The following TRPV3 variants were observed in gnomAD, a reference collection of about 807,000 sequenced individuals.
The protein encoded by TRPV3 is transient receptor potential cation channel subfamily V member 3.
A neutral mutation model predicts 87.1 loss-of-function variants in TRPV3; 88 were observed. That is an observed-to-expected ratio of 1.01 (90% CI 0.85 to 1.21). The LOEUF is 1.21. Among genes scored for constraint, TRPV3 ranks in the 50% most tolerant of loss-of-function variants. The pLI, the probability that TRPV3 is intolerant of heterozygous loss-of-function variation, is 0.00. For missense variants in TRPV3, 1,054 were observed against 1,030.1 expected (o/e 1.02, Z -0.32); for synonymous variants, 438 against 423.3 (o/e 1.03, Z -0.43).
rs138550533 is a variant in TRPV3, at chr17:3,544,763, G to A, written c.225-98C>T. 1.7e-3 allele frequency: 1,338 copies of A among 808,380 alleles called. 8 individuals carry two copies. In the African/African-American group the frequency reaches 0.02, roughly 12 times the overall value. 50.1% of individuals were successfully genotyped at this position (808,380 alleles called of 1,614,324 possible). On this transcript the variant is annotated intron_variant, in intron 3 of 17. Transcript: ENST00000576742. ...TGTAATCCCAGCACTTTGGGAGGCCGAGGCAGGTGGATCACTTGAGGTCAG... is the reference window on the plus strand; with the variant it reads ...TGTAATCCCAGCACTTTGGGAGGCCAAGGCAGGTGGATCACTTGAGGTCAG...
At position 3,551,870 on chromosome 17, in the gene TRPV3, C is replaced by CTT. The variant is rs747932928; in HGVS notation, c.119+2860_119+2861dup. The stretch of plus-strand genomic sequence containing the variant: ...CCTCTTTCTTCACCTGTAATTTATT[C>CTT]TTTTTTTTTTTTTTTTTTTTTTTTT... On this transcript the variant is annotated intron_variant, in intron 2 of 17. Transcript: ENST00000576742. Among the ~76,000 whole-genome samples, 185 of 43,344 alleles carry CTT rather than the reference C, an allele frequency of 4.3e-3. 42 individuals carry two copies. Among genetic ancestry groups the CTT allele is most frequent in the African/African-American group, 0.013 (163 of 12,106 alleles). 28.4% of individuals were successfully genotyped at this position (43,344 alleles called of 152,430 possible). A position where few individuals can be genotyped will look rare whatever the true frequency, so the allele number is the denominator to read the frequency against.
At chr17:3,551,340 C>A (rs2074572044) in intron 2 of TRPV3, among the ~76,000 whole-genome samples, 1 of 152,240 alleles carries the variant, frequency 6.6e-6, no homozygotes, top group Non-Finnish European at 1.5e-5. Flanking sequence ...CTGGTCACTG[C>A]ACACACTACA....
At position 3,528,352 on chromosome 17, in the gene TRPV3, C is replaced by T. The variant is rs1212843047; in HGVS notation, c.1402-226G>A. On this transcript the variant is annotated intron_variant, in intron 10 of 17. Coordinates refer to ENST00000576742, the MANE Select transcript of TRPV3 (RefSeq NM_145068.4). The surrounding 1 kb of genome is among the most constrained non-coding windows in gnomAD (Gnocchi z 4.2). ...CTACAACGAAGAATATCATCCAATC[C>T]GTGCTAACAACCCTCACACTCCATT... 1.3e-5 allele frequency among the ~76,000 whole-genome samples: 2 copies of T among 152,176 alleles called. No homozygotes were observed. Among genetic ancestry groups the T allele is most frequent in the Admixed American group, 6.5e-5 (1 of 15,288 alleles).
intron 7 of TRPV3, 58 bp downstream of exon 7, chr17:3,535,515 T>G: frequency 1.7e-6 from 2 of 1,186,726 alleles, no homozygotes; most frequent in Admixed American, 6.1e-5. Flanking sequence ...CCTCCCTTCC[T>G]CTCCCGTCTC....
intron 2 of TRPV3, among the ~76,000 whole-genome samples, chr17:3,547,016 A>T (rs1173928035): frequency 6.7e-6 from 1 of 149,506 alleles, no homozygotes; most frequent in Non-Finnish European, 1.5e-5. Flanking sequence ...GAAATACTGG[A>T]TGGCTGAACC....
chr17:3,540,332 C>T (rs953519252), intron 6 of TRPV3, among the ~76,000 whole-genome samples: 3 of 151,988 alleles, frequency 2.0e-5, no homozygotes, highest in Non-Finnish European at 2.9e-5. Context: ...TGGGTCAGAA[C>T]GGTGGTGGGG....
intron 12 of TRPV3, among the ~76,000 whole-genome samples, chr17:3,525,981 G>A (rs1597473605): frequency 6.6e-6 from 1 of 152,058 alleles, no homozygotes; most frequent in African/African-American, 2.4e-5. Context: ...CTCCTACACA[G>A]TCACATGCAG....
Position 3,535,700 on chromosome 17 carries a change from C to A in TRPV3, c.657G>T (p.Leu219=). The change falls in exon 7 of 18, where the codon CTG becomes CTT. Residue 219 remains leucine (L), a synonymous_variant. Coordinates refer to ENST00000576742, the MANE Select transcript of TRPV3 (RefSeq NM_145068.4). ...CCTGCCGCCGCTCGATGGCGATGTTCAGCGCCGTCTGCCCTGCGGAGCGGG... is the reference window on the plus strand; with the variant it reads ...CCTGCCGCCGCTCGATGGCGATGTTAAGCGCCGTCTGCCCTGCGGAGCGGG... ...TEEAYEGQTA[L]NIAIERRQGD... is the part of the protein sequence containing the mutation. The A allele has an allele frequency of 6.4e-7, 1 of 1,562,228 alleles. No individual in the cohort carries two copies. Among genetic ancestry groups the A allele is most frequent in the Non-Finnish European group, 8.6e-7 (1 of 1,156,696 alleles).
chr17:3,545,947 G>A (rs1190287503), intron 2 of TRPV3, among the ~76,000 whole-genome samples: 8 of 146,440 alleles, frequency 5.5e-5, no homozygotes, highest in East Asian at 4.0e-4. Context: ...CCGAGACCGC[G>A]CCACTGCACT....
At chr17:3,546,787 G>A (rs1162260319) in intron 2 of TRPV3, 12 of 419,820 alleles carry the variant, frequency 2.9e-5, no homozygotes, top group Admixed American at 7.6e-5. Flanking sequence ...AGGCCAATGC[G>A]GCAAAACCCT....
At chr17:3,532,174 G>A (rs1205272654) in intron 8 of TRPV3, among the ~76,000 whole-genome samples, 1 of 152,238 alleles carries the variant, frequency 6.6e-6, no homozygotes, top group African/African-American at 2.4e-5. Context: ...AAGGCAAGAA[G>A]GGCCCAAAGC....
At chr17:3,514,740 G>T in intron 16 of TRPV3, 68 bp from the exon 17 acceptor site, 2 of 1,250,544 alleles carry the variant, frequency 1.6e-6, no homozygotes, top group South Asian at 2.5e-5. Context: ...ATAGCCCTGC[G>T]TTTGGGACGT....
At chr17:3,519,510 T>A (rs1162070256) in intron 14 of TRPV3, among the ~76,000 whole-genome samples, 14 of 70,230 alleles carry the variant, frequency 2.0e-4, no homozygotes, top group South Asian at 1.0e-3. Context: ...GGATGGGTGA[T>A]TAGATGGATG....
At position 3,554,791 on chromosome 17, in the gene TRPV3, A is replaced by T; in HGVS notation, c.60T>A (p.Ser20Arg). ...TCTCTGGCAGGATGGCAGGGTTCCC[A>T]CTGGGGGCAGCAACTCTCTTGCCCA... Reference protein sequence around the residue: ...PLMGKRVAAPSGNPAILPEKR... With the variant: ...PLMGKRVAAPRGNPAILPEKR... Residue 20 changes from serine (S) to arginine (R), a missense_variant, in exon 2 of 18, where the codon AGT (serine) becomes AGA (arginine). Transcript: ENST00000576742. The T allele has an allele frequency of 6.2e-7, 1 of 1,612,790 alleles. No homozygotes were observed. Among genetic ancestry groups the T allele is most frequent in the Non-Finnish European group, 8.5e-7 (1 of 1,179,552 alleles).
At chr17:3,551,264 G>A (rs1001876115) in intron 2 of TRPV3, among the ~76,000 whole-genome samples, 2 of 152,070 alleles carry the variant, frequency 1.3e-5, no homozygotes, top group African/African-American at 4.8e-5. Flanking sequence ...CAACTGTTGG[G>A]CAAAGACCTA....
In TRPV3 at chr17:3,525,059, ACC is replaced by A. The variant is rs1567633615; in HGVS notation, c.1578-698_1578-697del. Among the ~76,000 whole-genome samples the A allele has an allele frequency of 7.2e-5, 11 of 152,294 alleles. No homozygotes were observed. The East Asian group carries it at 1.9e-3, about 27-fold the overall frequency. ...GGCAGAGACAGGGTCTTGCTCTGTC[ACC>A]TAGGCTGGAGTACAGTGGCATGAAC... is the stretch of plus-strand genomic sequence containing the variant. On this transcript the variant is annotated intron_variant, in intron 12 of 17. Transcript: ENST00000576742.
chr17:3,554,855 G>A lies in TRPV3; in HGVS notation c.-2-3C>T, dbSNP rs768799320. The A allele has an allele frequency of 7.5e-6, 12 of 1,603,076 alleles. No homozygotes were observed. Among genetic ancestry groups the A allele is most frequent in the South Asian group, 1.1e-5 (1 of 89,922 alleles). ...CTCCTTGGGGTGGGCTTTCATGGCT[G>A]GAATACAACCACAGGGCAGATGCTC... On this transcript the variant is annotated splice_region_variant and splice_polypyrimidine_tract_variant and intron_variant, in intron 1 of 17. Transcript: ENST00000576742.
rs745998879 is a variant in TRPV3, at chr17:3,535,567, A to T, written c.784+6T>A. 2 of 1,575,032 alleles carry T rather than the reference A, an allele frequency of 1.3e-6. No individual in the cohort carries two copies. On this transcript the variant is annotated splice_donor_region_variant and intron_variant, in intron 7 of 17. Transcript: ENST00000576742. The stretch of plus-strand genomic sequence containing the variant: ...AGACTCCGCACCGGGCGGGGGCGGC[A>T]CCCACCGAAGTAGAAGCCTTCGTGT...
chr17:3,520,470 G>T (rs2074236189), intron 14 of TRPV3, among the ~76,000 whole-genome samples: 1 of 152,188 alleles, frequency 6.6e-6, no homozygotes, highest in Non-Finnish European at 1.5e-5. Context: ...TTAAAATGGG[G>T]CTGAAAACAC....
Sources: allele counts gnomAD v4.1 joint callset (sites outside exome capture counted in the v4.1 genomes callset), GRCh38; gene constraint gnomAD v4.1.1; non-coding constraint Gnocchi (gnomAD v3.1); transcripts MANE v1.5; gene names NCBI Gene and HGNC (gene_info 2026-07-23, HGNC 2026-07-21).